NPRL3: variants seen among roughly 807,000 people sequenced by gnomAD.
The protein encoded by NPRL3 is NPR3 like, GATOR1 complex subunit.
A neutral mutation model predicts 57.2 loss-of-function variants in NPRL3; 23 were observed. That is an observed-to-expected ratio of 0.40 (90% confidence interval 0.29 to 0.57). The LOEUF is 0.57. Ranked by LOEUF, NPRL3 falls within the 20% of genes least tolerant of loss-of-function variation. The probability of loss-of-function intolerance (pLI) is 0.42; values close to 1 mark genes in which losing one functional copy is unlikely to be tolerated. For synonymous variants in NPRL3, 333 were observed against 321.1 expected, an observed-to-expected ratio of 1.04 and a Z score of -0.39; for missense variants, 691 against 767.1, an observed-to-expected ratio of 0.90 and a Z score of 1.17.
At chr16:127,942 AC>A (rs1392275217) in intron 3 of NPRL3, among the ~76,000 whole-genome samples, 2 of 151,558 alleles carry the variant, frequency 1.3e-5, no homozygotes, top group Non-Finnish European at 2.9e-5. Flanking sequence ...GGCTTGAGCC[AC>A]TGCGCCCGGC....
At chr16:127,299 G>C (rs905299692) in intron 3 of NPRL3, 1 of 151,014 alleles carries the variant, frequency 6.6e-6, no homozygotes, top group Non-Finnish European at 1.4e-5. Context: ...GCTCAGGCTG[G>C]AGTACAGCGG....
Position 138,310 on chromosome 16 carries a change from G to T in NPRL3, c.-43C>A, listed in dbSNP as rs1205209600. 1.1e-6 allele frequency: 1 copy of T among 933,212 alleles called. No homozygotes were observed. Among genetic ancestry groups the T allele is most frequent in the African/African-American group, 2.9e-5 (1 of 34,614 alleles). The allele number at this position is 933,212 out of a possible 1,614,324, so 57.8% of individuals were successfully genotyped here. On this transcript the variant is annotated 5_prime_UTR_variant, in exon 2 of 14. Coordinates refer to ENST00000611875, the MANE Select transcript of NPRL3 (RefSeq NM_001077350.3). ...GCCGGGGGCGGAGGGGGCCAGAGGA[G>T]GACGGAGCCGGAGGCGGAGGGGGCC...
intron 7 of NPRL3, 113 bp downstream of exon 7, chr16:110,412 C>A: frequency 2.6e-6 from 2 of 775,256 alleles, no homozygotes; most frequent in Admixed American, 2.2e-5. Flanking sequence ...GATGCTCACA[C>A]CCCAGGAGAA....
intron 5 of NPRL3, among the ~76,000 whole-genome samples, chr16:115,139 T>C (rs910979135): frequency 6.6e-6 from 1 of 151,930 alleles, no homozygotes; most frequent in Non-Finnish European, 1.5e-5. Context: ...CATGCCTGGC[T>C]AATTTTTGTA....
chr16:92,481 AAGG>A (rs1313386531), intron 11 of NPRL3, 112 bp downstream of exon 11: 4 of 1,342,744 alleles, frequency 3.0e-6, no homozygotes, highest in African/African-American at 2.9e-5. Flanking sequence ...CCCCAAAACC[AAGG>A]AGAAGCAGGT....
At chr16:100,595 A>G (rs1185216845) in intron 7 of NPRL3, 86 bp from the exon 8 acceptor site, 1 of 1,268,302 alleles carries the variant, frequency 7.9e-7, no homozygotes, top group Non-Finnish European at 1.0e-6. Flanking sequence ...AATGGTGCTG[A>G]TTCCCCTGCT....
intron 4 of NPRL3, among the ~76,000 whole-genome samples, chr16:118,158 G>A (rs911055568): frequency 2.6e-5 from 4 of 152,194 alleles, no homozygotes; most frequent in East Asian, 1.9e-4. Context: ...GGAGGTTCAC[G>A]AATAACACCA....
chr16:87,061 G>A (rs926173640), intron 13 of NPRL3, among the ~76,000 whole-genome samples, 191 bp from the exon 14 acceptor site: 10 of 152,202 alleles, frequency 6.6e-5, no homozygotes, highest in African/African-American at 2.2e-4. Context: ...TGCCCACCAC[G>A]GTCCCGCTGA....
At chr16:97,914 A>T (rs1899090455) in intron 9 of NPRL3, among the ~76,000 whole-genome samples, 1 of 152,072 alleles carries the variant, frequency 6.6e-6, no homozygotes, top group Non-Finnish European at 1.5e-5. Flanking sequence ...CCTCTCTGAG[A>T]CAGAAGAACA....
chr16:90,759 T>C (rs1898729779), intron 11 of NPRL3: 1 of 152,186 alleles, frequency 6.6e-6, no homozygotes, highest in Non-Finnish European at 1.5e-5. Flanking sequence ...GGGATGGGAA[T>C]GGGGGATATA....
chr16:110,223 C>T (rs1016077865), intron 7 of NPRL3, among the ~76,000 whole-genome samples: 1 of 152,106 alleles, frequency 6.6e-6, no homozygotes, highest in Non-Finnish European at 1.5e-5. Context: ...GAGCCGAGAT[C>T]GTGCCGCTGC....
chr16:100,588 G>T, intron 7 of NPRL3, 79 bp from the exon 8 acceptor site: 1 of 1,302,092 alleles, frequency 7.7e-7, no homozygotes, highest in Non-Finnish European at 9.9e-7. Context: ...CCTGCTCAAT[G>T]GTGCTGATTC....
chr16:106,182 G>A (rs188714696), intron 7 of NPRL3, among the ~76,000 whole-genome samples: 4 of 152,242 alleles, frequency 2.6e-5, no homozygotes, highest in South Asian at 2.1e-4. Flanking sequence ...GGTGGCAGGC[G>A]CCGTAATCCC....
intron 6 of NPRL3, among the ~76,000 whole-genome samples, chr16:111,376 G>A (rs1172914005): frequency 6.6e-6 from 1 of 151,862 alleles, no homozygotes; most frequent in Non-Finnish European, 1.5e-5. Flanking sequence ...CTCCAGCCTG[G>A]GTGACAGAGG....
chr16:85,963 G>T lies in NPRL3; in HGVS notation c.*742C>A. 1.5e-6 allele frequency: 1 copy of T among 678,630 alleles called. No individual in the cohort carries two copies. Among genetic ancestry groups the T allele is most frequent in the Non-Finnish European group, 2.1e-6 (1 of 466,550 alleles). The allele number at this position is 678,630 out of a possible 1,614,324, so 42.0% of individuals were successfully genotyped here. A position where few individuals can be genotyped will look rare whatever the true frequency, so the allele number is the denominator to read the frequency against. On this transcript the variant is annotated 3_prime_UTR_variant, in exon 14 of 14. Coordinates refer to ENST00000611875, the MANE Select transcript of NPRL3 (RefSeq NM_001077350.3). ...AGCGCCAGGCCCGGTGTGGATGCTG[G>T]GGAGAATCATCAGTGTGGGAGCCGA...
rs894970062 is a variant in NPRL3 at position 132,795 on chromosome 16, A to G, written c.119-2204T>C. 7.4e-5 allele frequency among the ~76,000 whole-genome samples: 11 copies of G among 148,640 alleles called. 1 individual carries two copies. In the South Asian group the frequency reaches 1.9e-3, roughly 26 times the overall value. On this transcript the variant is annotated intron_variant, in intron 2 of 13. Transcript: ENST00000611875. ...CGCCATTCTCCTGCCTCAGCCTCCC[A>G]AGTAGCTGGGACTACAGGCGCCCGC...
chr16:112,871 T>A, intron 5 of NPRL3, 96 bp from the exon 6 acceptor site: 12 of 1,188,610 alleles, frequency 1.0e-5, no homozygotes, highest in East Asian at 8.4e-5. Context: ...CAGCAAAAAC[T>A]CAAACCATGA....
intron 7 of NPRL3, among the ~76,000 whole-genome samples, chr16:102,278 G>A (rs1046567241): frequency 1.3e-5 from 2 of 152,190 alleles, no homozygotes; most frequent in Non-Finnish European, 2.9e-5. Context: ...AGAGCCAACA[G>A]CACTTGTTCT....
At chr16:113,059 T>G (rs2052259631) in intron 5 of NPRL3, among the ~76,000 whole-genome samples, 1 of 147,532 alleles carries the variant, frequency 6.8e-6, no homozygotes, top group African/African-American at 2.5e-5. Flanking sequence ...CTGGGTGCCC[T>G]AAGGAGGCAC....
Sources: allele counts gnomAD v4.1 joint callset (sites outside exome capture counted in the v4.1 genomes callset), GRCh38; gene constraint gnomAD v4.1.1; transcripts MANE v1.5; gene names NCBI Gene and HGNC (gene_info 2026-07-23, HGNC 2026-07-21).